The following NEK5 variants were observed in gnomAD, a reference collection of about 807,000 sequenced individuals.
NEK5 encodes serine/threonine-protein kinase Nek5.
NEK5 carries 88 observed loss-of-function variants against 109.2 expected under a neutral mutation model. The ratio of observed to expected loss-of-function variants is 0.81; its 90% CI spans 0.68 to 0.96. NEK5 has a LOEUF of 0.96. Ranked by LOEUF, NEK5 falls within the 40% of genes least tolerant of loss-of-function variation. The probability of loss-of-function intolerance (pLI) is 0.00; values close to 1 mark genes in which losing one functional copy is unlikely to be tolerated. For synonymous variants in NEK5, 283 were observed against 299.9 expected (o/e 0.94, Z 0.58); for missense variants, 834 against 920.7 (o/e 0.91, Z 1.22).
At chr13:52,077,570 C>G in intron 17 of NEK5, among the ~76,000 whole-genome samples, 1 of 152,064 alleles carries the variant, frequency 6.6e-6, no homozygotes, top group East Asian at 1.9e-4. Flanking sequence ...GTGCTAGAGT[C>G]TGAAAGACAA....
intron 17 of NEK5, among the ~76,000 whole-genome samples, chr13:52,078,206 T>C (rs1954903016): frequency 6.6e-6 from 1 of 152,160 alleles, no homozygotes; most frequent in African/African-American, 2.4e-5. Flanking sequence ...TACAATAGAA[T>C]ATACTCAGCA....
rs368666878 is a variant in NEK5 at position 52,075,827 on chromosome 13, C to G, written c.1654-1G>C. On this transcript the variant is annotated splice_acceptor_variant, in intron 18 of 23. Coordinates refer to ENST00000684899, the MANE Select transcript of NEK5 (RefSeq NM_001365552.1). LOFTEE classifies it high-confidence loss of function. ...AATTAATTTCAAATTTTACCCCCTT[C>G]TAGGAGAAAGCAAAAAAAAAAAAAA... 8 of 1,480,016 alleles carry G rather than the reference C, an allele frequency of 5.4e-6. No individual in the cohort carries two copies. The African/African-American group carries it at 8.6e-5, about 16-fold the overall frequency. 91.7% of individuals were successfully genotyped at this position (1,480,016 alleles called of 1,614,324 possible).
intron 12 of NEK5, among the ~76,000 whole-genome samples, chr13:52,094,619 T>C (rs1955363939): frequency 2.0e-5 from 3 of 152,136 alleles, no homozygotes; most frequent in African/African-American, 4.8e-5. Flanking sequence ...CCGTCTCTAC[T>C]AAAAACACAA....
intron 22 of NEK5, among the ~76,000 whole-genome samples, chr13:52,055,684 T>C (rs532539108): frequency 2.6e-5 from 4 of 152,244 alleles, no homozygotes; most frequent in Admixed American, 1.3e-4. Context: ...CAGAATTTCA[T>C]ATCCAGCCAA....
intron 8 of NEK5, among the ~76,000 whole-genome samples, chr13:52,105,225 T>G (rs887960199): frequency 6.7e-6 from 1 of 150,268 alleles, no homozygotes; most frequent in Non-Finnish European, 1.5e-5. Context: ...CTAGCAGCAA[T>G]GCTTTGTGCA....
At position 52,057,140 on chromosome 13, in the gene NEK5, C is replaced by T. The variant is rs990744419; in HGVS notation, c.2110+4679G>A. 3.9e-5 allele frequency among the ~76,000 whole-genome samples: 6 copies of T among 152,148 alleles called. 1 individual carries two copies. Among genetic ancestry groups the T allele is most frequent in the Non-Finnish European group, 7.3e-5 (5 of 68,032 alleles). On this transcript the variant is annotated intron_variant, in intron 22 of 23. Coordinates refer to ENST00000684899, the MANE Select transcript of NEK5 (RefSeq NM_001365552.1). ...TATCACCACCAATCCCACAGAAATA[C>T]GAACTACCATCAGAGAATACTACAA...
At chr13:52,080,393 C>A (rs551244836) in intron 17 of NEK5, among the ~76,000 whole-genome samples, 3 of 151,840 alleles carry the variant, frequency 2.0e-5, no homozygotes, top group East Asian at 3.9e-4. Context: ...GGGAGGTGTA[C>A]CCAACAGCTC....
Position 52,102,219 on chromosome 13 carries a change from AACC to A in NEK5, c.680_682del (p.Gly227_Phe228delinsVal). On this transcript the variant is annotated inframe_deletion, in exon 10 of 24. Transcript: ENST00000684899. Reference sequence around the variant, plus strand: ...TATCAAGGAATGGAGCTCACGAGAAAACCCCGGAGATATTGGGGCAAAATGTGC... The same window carrying A: ...TATCAAGGAATGGAGCTCACGAGAAACCGGAGATATTGGGGCAAAATGTGC... 6.2e-7 allele frequency: 1 copy of A among 1,614,090 alleles called. No individual in the cohort carries two copies. Among genetic ancestry groups the A allele is most frequent in the Non-Finnish European group, 8.5e-7 (1 of 1,179,922 alleles).
chr13:52,052,122 G>A (rs1316532501), intron 22 of NEK5, among the ~76,000 whole-genome samples: 4 of 121,118 alleles, frequency 3.3e-5, no homozygotes, highest in African/African-American at 6.5e-5. Context: ...GCTTCAAGTC[G>A]CCCCTCTTTT....
rs549341426 is a variant in NEK5, at chr13:52,127,609, C to T, written c.-37G>A. 86 of 644,860 alleles carry T rather than the reference C, an allele frequency of 1.3e-4. No homozygotes were observed. Among genetic ancestry groups the T allele is most frequent in the Middle Eastern group, 1.0e-3 (4 of 3,886 alleles). 39.9% of individuals were successfully genotyped at this position (644,860 alleles called of 1,614,324 possible). A position where few individuals can be genotyped will look rare whatever the true frequency, so the allele number is the denominator to read the frequency against. ...AAAGAACTCACTTAGCTAAAACTTT[C>T]CTCCCAGCCTTGCCAAGACAGAGAC... On this transcript the variant is annotated 5_prime_UTR_variant, in exon 2 of 24. Transcript: ENST00000684899.
intron 16 of NEK5, among the ~76,000 whole-genome samples, chr13:52,083,702 A>G (rs1308397828): frequency 6.6e-6 from 1 of 152,022 alleles, no homozygotes; most frequent in Non-Finnish European, 1.5e-5. Context: ...ACGCCTGGCT[A>G]ATTTTTTGTC....
Position 52,083,244 on chromosome 13 carries a change from T to A in NEK5, c.1572+16A>T, listed in dbSNP as rs756693191. The stretch of plus-strand genomic sequence containing the variant: ...ACACACTGCAAGCACACACATCTGA[T>A]CATAGCCATCATTACCTGCACAGGT... On this transcript the variant is annotated intron_variant, in intron 17 of 23. Coordinates refer to ENST00000684899, the MANE Select transcript of NEK5 (RefSeq NM_001365552.1). 2.6e-6 allele frequency: 4 copies of A among 1,553,682 alleles called. No individual in the cohort carries two copies. The African/African-American group carries it at 5.4e-5, about 21-fold the overall frequency.
intron 15 of NEK5, 43 bp downstream of exon 15, chr13:52,087,295 C>T (rs761548930): frequency 8.0e-6 from 8 of 1,000,394 alleles, no homozygotes; most frequent in Non-Finnish European, 9.6e-6. Flanking sequence ...GACAGTAATA[C>T]AAAGAAATAC....
chr13:52,051,684 C>T (rs78202619), intron 22 of NEK5, among the ~76,000 whole-genome samples: 1,611 of 152,208 alleles, frequency 0.011, 21 homozygotes, highest in South Asian at 0.017. Flanking sequence ...ATCTCGGGAC[C>T]GATTTATCAC....
Position 52,074,566 on chromosome 13 carries a change from G to A in NEK5, c.1722+1192C>T, listed in dbSNP as rs568073073. Among the ~76,000 whole-genome samples, 6 of 152,214 alleles carry A rather than the reference G, an allele frequency of 3.9e-5. No individual in the cohort carries two copies. The South Asian group carries it at 1.0e-3, about 26-fold the overall frequency. On this transcript the variant is annotated intron_variant, in intron 19 of 23. Transcript: ENST00000684899. ...CTAGGAAACACCATTATGAACATGG[G>A]CCTTGGGAAAGAATTTGTGATTAAG...
rs1955986823 is a variant in NEK5, at chr13:52,122,363, T to C, written c.118-2948A>G. Among the ~76,000 whole-genome samples, 2 of 152,234 alleles carry C rather than the reference T, an allele frequency of 1.3e-5. 1 individual carries two copies. Among genetic ancestry groups the C allele is most frequent in the Middle Eastern group, 6.3e-3 (2 of 316 alleles). Reference sequence around the variant, plus strand: ...CACCCTGCAGGTGGTCCCTTTATCATTAGTGTGAACACATTTAATATCATT... The same window carrying C: ...CACCCTGCAGGTGGTCCCTTTATCACTAGTGTGAACACATTTAATATCATT... On this transcript the variant is annotated intron_variant, in intron 3 of 23. Coordinates refer to ENST00000684899, the MANE Select transcript of NEK5 (RefSeq NM_001365552.1).
At chr13:52,107,044 C>A (rs1955669717) in intron 8 of NEK5, among the ~76,000 whole-genome samples, 1 of 152,126 alleles carries the variant, frequency 6.6e-6, no homozygotes, top group Non-Finnish European at 1.5e-5. Context: ...CTAAACAGTG[C>A]TTCAAAGATA....
chr13:52,108,349 T>C lies in NEK5; in HGVS notation c.523A>G (p.Ile175Val). 1 of 1,611,940 alleles carries C rather than the reference T, an allele frequency of 6.2e-7. No individual in the cohort carries two copies. The part of the protein sequence containing the change: ...IGTPYYLSPE[I>V]CQNKPYNNKT... ...TTGTTGTAGGGTTTATTCTGACAGA[T>C]CTCTGGGGACAGGTAGTAAGGTGTT... Residue 175 changes from isoleucine (I) to valine (V), a missense_variant, in exon 8 of 24, where the codon ATC becomes GTC. Around this residue, in one of 2 missense-constraint regions of NEK5, gnomAD observed 777 missense variants for 824.7 expected, o/e 0.94. Coordinates refer to ENST00000684899, the MANE Select transcript of NEK5 (RefSeq NM_001365552.1).
intron 3 of NEK5, among the ~76,000 whole-genome samples, chr13:52,124,101 G>A (rs1355668485): frequency 6.6e-6 from 1 of 152,170 alleles, no homozygotes; most frequent in Non-Finnish European, 1.5e-5. Flanking sequence ...CTTGAGGCCA[G>A]CCTGGGCAAC....
Sources: gnomAD v4.1 joint callset for allele counts (sites outside exome capture counted in the v4.1 genomes callset) on GRCh38, gnomAD v4.1.1 for gene constraint, gnomAD v4.1.1 regional missense constraint, MANE v1.5 for transcripts, NCBI Gene and HGNC (gene_info 2026-07-23, HGNC 2026-07-21) for gene names.